Variants in COMMD1 observed in about 807,000 individuals in gnomAD.
The protein encoded by COMMD1 is COMM domain-containing protein 1.
A neutral mutation model predicts 17.2 loss-of-function variants in COMMD1; 10 were observed. The observed-to-expected ratio is 0.58, with a 90% CI of 0.36 to 0.99. The LOEUF is 0.99. COMMD1 is among the 50% of genes least tolerant of loss of function. The pLI is 0.01. For missense variants in COMMD1, 270 were observed against 231.8 expected, an observed-to-expected ratio of 1.17 and a Z score of -1.07; for synonymous variants, 97 against 91.6, an observed-to-expected ratio of 1.06 and a Z score of -0.34.
intron 1 of COMMD1, among the ~76,000 whole-genome samples, chr2:61,891,592 G>A (rs933704492): frequency 6.6e-6 from 1 of 151,860 alleles, no homozygotes; most frequent in Non-Finnish European, 1.5e-5. Context: ...GCCAGGCGTG[G>A]TGTCAGATGC....
At chr2:62,059,684 C>G (rs1670804568) in intron 2 of COMMD1, among the ~76,000 whole-genome samples, 1 of 152,216 alleles carries the variant, frequency 6.6e-6, no homozygotes, top group Non-Finnish European at 1.5e-5. Flanking sequence ...CTTCCTGCCT[C>G]AGCCACCCCA....
chr2:61,909,006 G>C lies in COMMD1; in HGVS notation c.180+3148G>C, dbSNP rs551160304. ...AGTAATGGTGCAATCTCGGCTCTCC[G>C]CAACCTCTGCCTCCCAGGTTCAAGC... On this transcript the variant is annotated intron_variant, in intron 1 of 2. Coordinates refer to ENST00000311832, the MANE Select transcript of COMMD1 (RefSeq NM_152516.4). Among the ~76,000 whole-genome samples, 16 of 152,126 alleles carry C rather than the reference G, an allele frequency of 1.1e-4. No homozygotes were observed. The South Asian group carries it at 3.3e-3, about 32-fold the overall frequency.
At chr2:62,066,856 G>A (rs753809811) in intron 2 of COMMD1, among the ~76,000 whole-genome samples, 1 of 150,712 alleles carries the variant, frequency 6.6e-6, no homozygotes, top group Non-Finnish European at 1.5e-5. Context: ...CTCCCGAGTA[G>A]TTGGGATTAC....
chr2:61,999,983 G>A (rs1336609112), intron 1 of COMMD1, among the ~76,000 whole-genome samples: 1 of 148,366 alleles, frequency 6.7e-6, no homozygotes, highest in African/African-American at 2.5e-5. Context: ...GAGTATAGTG[G>A]TGTGATCTGA....
intron 2 of COMMD1, among the ~76,000 whole-genome samples, chr2:62,038,304 AAAC>A (rs1558572556): frequency 6.6e-6 from 1 of 152,116 alleles, no homozygotes; most frequent in East Asian, 1.9e-4. Flanking sequence ...CAACAGCAAC[AAAC>A]AACAACAACA....
intron 2 of COMMD1, among the ~76,000 whole-genome samples, chr2:62,111,676 G>A (rs575407754): frequency 1.2e-4 from 19 of 152,286 alleles, no homozygotes; most frequent in Admixed American, 2.6e-4. Context: ...GACTTGAAAC[G>A]GGAAAGAGGG....
chr2:61,950,769 G>A (rs951868811), intron 1 of COMMD1, among the ~76,000 whole-genome samples: 1 of 152,182 alleles, frequency 6.6e-6, no homozygotes, highest in Non-Finnish European at 1.5e-5. Context: ...CATATACAGC[G>A]TGGATACCCA....
chr2:61,988,069 T>C (rs1018080951), intron 1 of COMMD1, among the ~76,000 whole-genome samples: 1 of 152,202 alleles, frequency 6.6e-6, no homozygotes. Flanking sequence ...ATTGGGCTCC[T>C]TTCTGGGCCA....
intron 2 of COMMD1, among the ~76,000 whole-genome samples, chr2:62,051,262 T>C (rs558945205): frequency 1.3e-5 from 2 of 152,188 alleles, no homozygotes; most frequent in Non-Finnish European, 2.9e-5. Flanking sequence ...GGGGTTACTA[T>C]TATTATTTTA....
intron 1 of COMMD1, among the ~76,000 whole-genome samples, chr2:61,926,639 C>T (rs769077703): frequency 1.3e-5 from 2 of 152,122 alleles, no homozygotes; most frequent in South Asian, 2.1e-4. Flanking sequence ...CTTTATCTTA[C>T]GTAAAATGTC....
chr2:62,060,655 G>T (rs1396733220), intron 2 of COMMD1, among the ~76,000 whole-genome samples: 1 of 152,072 alleles, frequency 6.6e-6, no homozygotes, highest in Admixed American at 6.5e-5. Context: ...ATTTCTTGTT[G>T]TGCAGGTATG....
chr2:62,054,906 G>A (rs1327630516), intron 2 of COMMD1, among the ~76,000 whole-genome samples: 1 of 152,316 alleles, frequency 6.6e-6, no homozygotes, highest in South Asian at 2.1e-4. Context: ...AAACCCTATT[G>A]TGAACTGTGC....
chr2:62,120,305 G>GTT (rs374491424), intron 2 of COMMD1, among the ~76,000 whole-genome samples: 1 of 143,652 alleles, frequency 7.0e-6, no homozygotes, highest in Non-Finnish European at 1.5e-5. Flanking sequence ...CCAGCTGTGG[G>GTT]TTTTTTTTTT....
chr2:62,053,713 A>G (rs982230588), intron 2 of COMMD1, among the ~76,000 whole-genome samples: 3 of 152,192 alleles, frequency 2.0e-5, no homozygotes, highest in African/African-American at 7.2e-5. Context: ...CATTGATGTC[A>G]CACCAGTTAC....
intron 2 of COMMD1, among the ~76,000 whole-genome samples, chr2:62,134,153 T>C (rs993249403): frequency 2.7e-5 from 4 of 150,016 alleles, no homozygotes; most frequent in Non-Finnish European, 4.4e-5. Flanking sequence ...TAAGGGAAAC[T>C]CCAAGACTTA....
chr2:62,072,688 T>G (rs750144239), intron 2 of COMMD1, among the ~76,000 whole-genome samples: 3 of 152,242 alleles, frequency 2.0e-5, no homozygotes, highest in Non-Finnish European at 4.4e-5. Context: ...TTCTGCTCCC[T>G]TGGGGCTCCA....
chr2:61,951,890 A>G (rs956684085), intron 1 of COMMD1, among the ~76,000 whole-genome samples: 12 of 152,172 alleles, frequency 7.9e-5, no homozygotes, highest in Non-Finnish European at 1.3e-4. Flanking sequence ...GAATCATACA[A>G]TACTCTTTTT....
At chr2:61,996,411 G>A (rs1668757682) in intron 1 of COMMD1, among the ~76,000 whole-genome samples, 1 of 151,576 alleles carries the variant, frequency 6.6e-6, no homozygotes, top group East Asian at 1.9e-4. Context: ...TGATCAGAGT[G>A]GTGATTGCTG....
chr2:61,965,267 G>A lies in COMMD1; in HGVS notation c.181-35434G>A, dbSNP rs531292934. 3.3e-5 allele frequency among the ~76,000 whole-genome samples: 5 copies of A among 152,158 alleles called. No homozygotes were observed. The South Asian group carries it at 1.0e-3, about 32-fold the overall frequency. On this transcript the variant is annotated intron_variant, in intron 1 of 2. Transcript: ENST00000311832. ...GGTTTTAATATGGAAGCATAAACAT[G>A]GAAATAAAATTTTATGTAAAATTTT...
Sources: allele counts gnomAD v4.1 joint callset (sites outside exome capture counted in the v4.1 genomes callset), GRCh38; gene constraint gnomAD v4.1.1; transcripts MANE v1.5; gene names NCBI Gene and HGNC (gene_info 2026-07-23, HGNC 2026-07-21).